RBFOX1: variants seen among roughly 807,000 people sequenced by gnomAD.
The protein encoded by RBFOX1 is RNA binding protein fox-1 homolog 1.
In RBFOX1, 8 loss-of-function variants were observed where a neutral mutation model predicts 57.7. The ratio of observed to expected loss-of-function variants is 0.14; its 90% CI spans 0.08 to 0.25. The LOEUF is 0.25. RBFOX1 is among the 10% of genes least tolerant of loss of function. The probability of loss-of-function intolerance (pLI) is 1.00; values close to 1 mark genes in which losing one functional copy is unlikely to be tolerated. For missense variants in RBFOX1, 611 were observed against 548.5 expected (o/e 1.11, Z -1.14); for synonymous variants, 326 against 222.4 (o/e 1.47, Z -4.15).
chr16:7,479,043 C>A (rs1033444078), intron 4 of RBFOX1, among the ~76,000 whole-genome samples: 9 of 151,594 alleles, frequency 5.9e-5, no homozygotes, highest in Non-Finnish European at 1.0e-4. Context: ...CCCGAATCCA[C>A]AAACAGGAAA....
chr16:5,524,107 C>T (rs2044137446), intron 2 of RBFOX1, among the ~76,000 whole-genome samples: 1 of 152,306 alleles, frequency 6.6e-6, no homozygotes, highest in South Asian at 2.1e-4. Context: ...ACCAGCCTCA[C>T]AGGATGCAAT....
At chr16:6,725,206 A>ATGCCC (rs1224593636) in intron 3 of RBFOX1, among the ~76,000 whole-genome samples, 1 of 151,650 alleles carries the variant, frequency 6.6e-6, no homozygotes, top group African/African-American at 2.4e-5. Flanking sequence ...ACCCGCCACC[A>ATGCCC]TGCCCAGCTA....
At chr16:7,524,046 C>T (rs1457353634) in intron 5 of RBFOX1, among the ~76,000 whole-genome samples, 1 of 152,138 alleles carries the variant, frequency 6.6e-6, no homozygotes, top group African/African-American at 2.4e-5. Context: ...TAGGTCATTC[C>T]CCATAGGATA....
intron 1 of RBFOX1, among the ~76,000 whole-genome samples, chr16:6,182,765 C>T (rs549725340): frequency 6.6e-6 from 1 of 152,262 alleles, no homozygotes; most frequent in Non-Finnish European, 1.5e-5. Context: ...TAACTTACAT[C>T]CTTTATGCTC....
In RBFOX1 at chr16:6,105,816, G is replaced by A. The variant is rs116652287; in HGVS notation, c.-127+85824G>A. On this transcript the variant is annotated intron_variant, in intron 1 of 15. Transcript: ENST00000550418. ...TGTGAGAACTCAGGCACTTAATTGG[G>A]CTTAAGCTGTATATGTTCCATACCC... Among the ~76,000 whole-genome samples the A allele has an allele frequency of 1.0e-2, 1,514 of 151,960 alleles. 26 individuals are homozygous for A. The highest frequency in any genetic ancestry group is 0.035 in the African/African-American group (1,432 of 41,458).
At chr16:6,153,735 C>T (rs2096818193) in intron 1 of RBFOX1, among the ~76,000 whole-genome samples, 1 of 152,020 alleles carries the variant, frequency 6.6e-6, no homozygotes, top group Admixed American at 6.6e-5. Flanking sequence ...AGGGTTTCAC[C>T]ATGTTGGCCA....
intron 4 of RBFOX1, among the ~76,000 whole-genome samples, chr16:7,197,361 T>A (rs2086970640): frequency 6.6e-6 from 1 of 151,768 alleles, no homozygotes; most frequent in Non-Finnish European, 1.5e-5. Flanking sequence ...AGAGCTTCTT[T>A]CTGTTTCTGG....
chr16:7,161,376 T>A (rs1425710353), intron 4 of RBFOX1, among the ~76,000 whole-genome samples: 3 of 152,180 alleles, frequency 2.0e-5, no homozygotes, highest in Non-Finnish European at 2.9e-5. Context: ...ACAAAATTCA[T>A]CATATATTTG....
intron 3 of RBFOX1, among the ~76,000 whole-genome samples, chr16:6,888,717 C>T (rs759326879): frequency 6.6e-6 from 1 of 152,070 alleles, no homozygotes; most frequent in African/African-American, 2.4e-5. Context: ...GAAGGGAGAC[C>T]ATTGTAAGTA....
intron 1 of RBFOX1, among the ~76,000 whole-genome samples, chr16:6,079,212 A>C (rs2095959559): frequency 6.6e-6 from 1 of 152,204 alleles, no homozygotes; most frequent in African/African-American, 2.4e-5. Context: ...AGGCTGAGGC[A>C]GGATAATTGC....
intron 1 of RBFOX1, among the ~76,000 whole-genome samples, chr16:5,349,114 A>C (rs1053237066): frequency 6.6e-6 from 1 of 152,230 alleles, no homozygotes; most frequent in South Asian, 2.1e-4. Context: ...CGCCTTAAAA[A>C]AGAAAGAAAT....
chr16:6,991,728 G>T (rs1049737903), intron 3 of RBFOX1, among the ~76,000 whole-genome samples: 1 of 152,100 alleles, frequency 6.6e-6, no homozygotes, highest in African/African-American at 2.4e-5. Flanking sequence ...GTAGAGGTGG[G>T]GTTTCACCAT....
Position 7,390,582 on chromosome 16 carries a change from G to A in RBFOX1, c.28-127565G>A, listed in dbSNP as rs566048089. On this transcript the variant is annotated intron_variant, in intron 4 of 15. Transcript: ENST00000550418. ...TTTGCACATCGCAGAGATTATGCAAGTATAAGGTGCTATATTTCGCATTAA... is the reference window on the plus strand; with the variant it reads ...TTTGCACATCGCAGAGATTATGCAAATATAAGGTGCTATATTTCGCATTAA... 8.2e-4 allele frequency among the ~76,000 whole-genome samples: 125 copies of A among 152,304 alleles called. 2 individuals carry two copies. In the South Asian group the frequency reaches 0.016, roughly 19 times the overall value.
At chr16:5,702,162 A>C (rs2051073214) in intron 3 of RBFOX1, among the ~76,000 whole-genome samples, 2 of 152,330 alleles carry the variant, frequency 1.3e-5, no homozygotes, top group Non-Finnish European at 2.9e-5. Flanking sequence ...ATTTATGAAG[A>C]AAAGAGGTTT....
intron 5 of RBFOX1, among the ~76,000 whole-genome samples, chr16:7,539,357 G>A (rs528918975): frequency 3.9e-5 from 6 of 152,134 alleles, no homozygotes; most frequent in Non-Finnish European, 7.3e-5. Flanking sequence ...TGAAGAGTAT[G>A]TGCAAAGCCA....
chr16:6,597,894 T>A (rs1601020010), intron 2 of RBFOX1, among the ~76,000 whole-genome samples: 2 of 152,326 alleles, frequency 1.3e-5, no homozygotes, highest in Admixed American at 1.3e-4. Context: ...GAAGTGAGTA[T>A]CCTCAGAACA....
chr16:6,014,898 C>T (rs1240991550), upstream of RBFOX1, among the ~76,000 whole-genome samples: 3 of 151,488 alleles, frequency 2.0e-5, no homozygotes, highest in Non-Finnish European at 4.4e-5. Flanking sequence ...CTCTTTTGCC[C>T]AGGCTGGAGT....
At chr16:7,330,021 C>T (rs954570698) in intron 4 of RBFOX1, among the ~76,000 whole-genome samples, 6 of 152,070 alleles carry the variant, frequency 3.9e-5, no homozygotes, top group Non-Finnish European at 7.4e-5. Flanking sequence ...GTGATTGTAT[C>T]TAAACATAGA....
chr16:5,785,201 CT>C (rs2054459635), intron 3 of RBFOX1, among the ~76,000 whole-genome samples: 1 of 152,214 alleles, frequency 6.6e-6, no homozygotes, highest in South Asian at 2.1e-4. Context: ...TCTCTTTCCC[CT>C]GTTCTCTTCT....
Sources: gnomAD v4.1 joint callset for allele counts (sites outside exome capture counted in the v4.1 genomes callset) on GRCh38, gnomAD v4.1.1 for gene constraint, MANE v1.5 for transcripts, NCBI Gene and HGNC (gene_info 2026-07-23, HGNC 2026-07-21) for gene names.